The following CPS1 variants were observed in gnomAD, a reference collection of about 807,000 sequenced individuals.
CPS1 encodes the protein carbamoyl-phosphate synthase [ammonia], mitochondrial.
CPS1 carries 109 observed loss-of-function variants against 174.6 expected under a neutral mutation model. The ratio of observed to expected loss-of-function variants is 0.62; its 90% CI spans 0.53 to 0.73. The LOEUF is 0.73. Ranked by LOEUF, CPS1 falls within the 30% of genes least tolerant of loss-of-function variation. CPS1 has a pLI of 0.00. For synonymous variants in CPS1, 637 were observed against 632.0 expected (o/e 1.01, Z -0.12); for missense variants, 1,689 against 1,821.9 (o/e 0.93, Z 1.33).
chr2:210,554,241 A>G (rs1212746274), upstream of CPS1, among the ~76,000 whole-genome samples: 1 of 147,856 alleles, frequency 6.8e-6, no homozygotes, highest in Admixed American at 6.8e-5. Flanking sequence ...ATATGTATGT[A>G]TATATATACA....
At chr2:210,501,059 C>T (rs1412746783) in intron 1 of CPS1, among the ~76,000 whole-genome samples, 1 of 152,184 alleles carries the variant, frequency 6.6e-6, no homozygotes, top group African/African-American at 2.4e-5. Context: ...GGGGCTTGTG[C>T]CCTCTGAAGC....
intron 14 of CPS1, 78 bp downstream of exon 14, chr2:210,599,639 C>CA: frequency 6.8e-7 from 1 of 1,480,920 alleles, no homozygotes; most frequent in Non-Finnish European, 9.4e-7. Flanking sequence ...GCTCATCTAA[C>CA]AATTGTGCTT....
intron 35 of CPS1, 128 bp downstream of exon 35, chr2:210,675,089 G>T (rs1701478659): frequency 1.3e-5 from 10 of 759,096 alleles, no homozygotes; most frequent in Non-Finnish European, 2.1e-5. Context: ...TAACTAACTT[G>T]GTAGTTTCAA....
At chr2:210,520,214 T>C (rs1273369133) in intron 1 of CPS1, among the ~76,000 whole-genome samples, 1 of 152,048 alleles carries the variant, frequency 6.6e-6, no homozygotes, top group Non-Finnish European at 1.5e-5. Context: ...ATAAAGTATT[T>C]AATTTTATGC....
At chr2:210,600,171 T>C (rs1384747041) in intron 14 of CPS1, among the ~76,000 whole-genome samples, 4 of 151,264 alleles carry the variant, frequency 2.6e-5, no homozygotes, top group Non-Finnish European at 4.4e-5. Context: ...ACACAAACCA[T>C]TTTGAGGATA....
chr2:210,668,588 C>T (rs561631427), intron 34 of CPS1, among the ~76,000 whole-genome samples: 2 of 152,198 alleles, frequency 1.3e-5, no homozygotes, highest in East Asian at 3.9e-4. Context: ...TTTGTCTTTT[C>T]TATATGTTTT....
chr2:210,489,954 T>C (rs866339927), intron 1 of CPS1, among the ~76,000 whole-genome samples: 23 of 136,292 alleles, frequency 1.7e-4, no homozygotes, highest in Admixed American at 4.9e-4. Flanking sequence ...GCCGAGATCC[T>C]GCCACTGCAC....
Sources: gnomAD v4.1 joint callset for allele counts (sites outside exome capture counted in the v4.1 genomes callset) on GRCh38, gnomAD v4.1.1 for gene constraint, MANE v1.5 for transcripts, NCBI Gene and HGNC (gene_info 2026-07-23, HGNC 2026-07-21) for gene names.